Variants in SLC7A7 observed in about 807,000 individuals in gnomAD.
SLC7A7 encodes solute carrier family 7 member 7.
Under a neutral mutation model 47.9 loss-of-function variants are expected in SLC7A7, and 39 were observed. The observed-to-expected ratio is 0.81, with a 90% confidence interval of 0.63 to 1.06. The LOEUF is 1.06. SLC7A7 is among the 50% of genes least tolerant of loss of function. The pLI, the probability that SLC7A7 is intolerant of heterozygous loss-of-function variation, is 0.00. For synonymous variants in SLC7A7, 234 were observed against 242.8 expected (o/e 0.96, Z 0.34); for missense variants, 588 against 632.0 (o/e 0.93, Z 0.75).
At chr14:22,786,551 C>T (rs1247934942) in intron 2 of SLC7A7, among the ~76,000 whole-genome samples, 1 of 152,236 alleles carries the variant, frequency 6.6e-6, no homozygotes, top group East Asian at 1.9e-4. Flanking sequence ...ACTACGGAGT[C>T]TCAACCTGAA....
upstream of SLC7A7, among the ~76,000 whole-genome samples, chr14:22,817,596 C>T (rs2039424831): frequency 6.6e-6 from 1 of 152,218 alleles, no homozygotes. Context: ...CCACCTCGGC[C>T]TCCCAAAGTG....
intron 2 of SLC7A7, among the ~76,000 whole-genome samples, chr14:22,788,584 A>G (rs541637385): frequency 1.1e-3 from 162 of 151,566 alleles, no homozygotes; most frequent in South Asian, 8.6e-3. Context: ...GGCACCTGTC[A>G]TCCCAGCTAC....
At chr14:22,792,619 A>C (rs1422759964) in intron 2 of SLC7A7, among the ~76,000 whole-genome samples, 1 of 152,088 alleles carries the variant, frequency 6.6e-6, no homozygotes, top group African/African-American at 2.4e-5. Flanking sequence ...CATTTTGGGA[A>C]GCCGAAGTGG....
intron 2 of SLC7A7, among the ~76,000 whole-genome samples, chr14:22,795,374 A>C (rs2038994455): frequency 8.8e-5 from 1 of 11,428 alleles, no homozygotes; most frequent in African/African-American, 1.7e-4. Context: ...CAATCTGAGT[A>C]TTGCTTGCTT....
rs557320736 is a variant in SLC7A7, at chr14:22,790,157, T to C, written c.500-10106A>G. Among the ~76,000 whole-genome samples, 27 of 151,932 alleles carry C rather than the reference T, an allele frequency of 1.8e-4. No homozygotes were observed. In the South Asian group the frequency reaches 5.6e-3, roughly 32 times the overall value. ...CAGCCTGGGCAACATAGAGAAACCC[T>C]GATTCTACAAAAAATACAAAAATTA... On this transcript the variant is annotated intron_variant, in intron 2 of 9. Transcript: ENST00000674313.
Position 22,774,527 on chromosome 14 carries a change from C to T in SLC7A7, c.1096-24G>A, listed in dbSNP as rs376447787. On this transcript the variant is annotated intron_variant, in intron 7 of 9. Coordinates refer to ENST00000674313, the MANE Select transcript of SLC7A7 (RefSeq NM_003982.4). ...CCCTGTAAGCGTGAGCCTAAGTCAGCTCTTCTCAGGGCCTTTGTTAATCCA... is the reference window on the plus strand; with the variant it reads ...CCCTGTAAGCGTGAGCCTAAGTCAGTTCTTCTCAGGGCCTTTGTTAATCCA... 178 of 1,614,012 alleles carry T rather than the reference C, an allele frequency of 1.1e-4. 1 individual carries two copies. Among genetic ancestry groups the T allele is most frequent in the Middle Eastern group, 1.6e-4 (1 of 6,082 alleles).
intron 2 of SLC7A7, among the ~76,000 whole-genome samples, chr14:22,788,682 C>T (rs552098797): frequency 3.5e-5 from 5 of 144,750 alleles, no homozygotes; most frequent in African/African-American, 7.8e-5. Context: ...CCAGCCCGGG[C>T]GACAGAGTGA....
At chr14:22,784,362 G>A (rs1326217121) in intron 2 of SLC7A7, among the ~76,000 whole-genome samples, 2 of 152,234 alleles carry the variant, frequency 1.3e-5, no homozygotes, top group Admixed American at 6.5e-5. Context: ...GCTCACGCCT[G>A]TAATCCCAGC....
intron 2 of SLC7A7, among the ~76,000 whole-genome samples, chr14:22,797,608 G>A (rs1326235109): frequency 6.6e-6 from 1 of 152,118 alleles, no homozygotes; most frequent in African/African-American, 2.4e-5. Flanking sequence ...TGGGGTGCAG[G>A]CAAGCACCAG....
At chr14:22,781,797 C>T (rs1261558195) in intron 2 of SLC7A7, among the ~76,000 whole-genome samples, 1 of 152,162 alleles carries the variant, frequency 6.6e-6, no homozygotes, top group East Asian at 1.9e-4. Flanking sequence ...CACAACATAG[C>T]CAGGTTTCCA....
intron 1 of SLC7A7, 98 bp downstream of exon 1, chr14:22,815,222 A>G (rs1218339832): frequency 7.8e-6 from 3 of 384,658 alleles, no homozygotes; most frequent in Non-Finnish European, 1.6e-5. Context: ...TTAGGGTGAG[A>G]GGCACTCGGG....
chr14:22,779,556 G>A (rs1353390615), intron 3 of SLC7A7, among the ~76,000 whole-genome samples: 1 of 151,908 alleles, frequency 6.6e-6, no homozygotes, highest in Admixed American at 6.6e-5. Context: ...CTGGATTCAA[G>A]CGATTCTCCT....
At chr14:22,796,500 C>T (rs189624168) in intron 2 of SLC7A7, among the ~76,000 whole-genome samples, 1 of 152,330 alleles carries the variant, frequency 6.6e-6, no homozygotes, top group Non-Finnish European at 1.5e-5. Flanking sequence ...TATTGAAGAA[C>T]CCACTACATG....
At chr14:22,794,598 T>G (rs2038979691) in intron 2 of SLC7A7, among the ~76,000 whole-genome samples, 1 of 152,176 alleles carries the variant, frequency 6.6e-6, no homozygotes, top group Non-Finnish European at 1.5e-5. Flanking sequence ...CCAGAGGTTC[T>G]GATGCAGGAG....
chr14:22,793,147 G>A (rs2038956327), intron 2 of SLC7A7, among the ~76,000 whole-genome samples: 1 of 151,826 alleles, frequency 6.6e-6, no homozygotes, highest in Non-Finnish European at 1.5e-5. Flanking sequence ...TCGATCTCCT[G>A]ACCTCGTAAT....
intron 2 of SLC7A7, among the ~76,000 whole-genome samples, chr14:22,795,439 TTTC>T: frequency 9.2e-6 from 1 of 108,404 alleles, no homozygotes; most frequent in Non-Finnish European, 1.9e-5. Flanking sequence ...TCTTTCTTTC[TTTC>T]TTTTCTATTC....
chr14:22,794,568 C>A (rs1463361295), intron 2 of SLC7A7, among the ~76,000 whole-genome samples: 1 of 152,160 alleles, frequency 6.6e-6, no homozygotes, highest in African/African-American at 2.4e-5. Flanking sequence ...TGTCGACCCA[C>A]AACTTCAGGG....
chr14:22,783,222 G>A (rs1254849104), intron 2 of SLC7A7, among the ~76,000 whole-genome samples: 3 of 151,652 alleles, frequency 2.0e-5, no homozygotes, highest in Non-Finnish European at 4.4e-5. Context: ...GTGAGCCACC[G>A]TGCCTGGCTG....
At chr14:22,778,559 C>T (rs2038657730) in intron 4 of SLC7A7, among the ~76,000 whole-genome samples, 1 of 135,228 alleles carries the variant, frequency 7.4e-6, no homozygotes, top group Non-Finnish European at 1.6e-5. Context: ...AATTAATGAA[C>T]AAATGTAAAA....
Sources: allele counts gnomAD v4.1 joint callset (sites outside exome capture counted in the v4.1 genomes callset), GRCh38; gene constraint gnomAD v4.1.1; transcripts MANE v1.5; gene names NCBI Gene and HGNC (gene_info 2026-07-23, HGNC 2026-07-21).